NIPSNAP2: variants seen among roughly 807,000 people sequenced by gnomAD.
NIPSNAP2 encodes protein NipSnap homolog 2.
In NIPSNAP2, 42 loss-of-function variants were observed where a neutral mutation model predicts 48.4. That is an observed-to-expected ratio of 0.87 (90% CI 0.68 to 1.12). The LOEUF is 1.12. NIPSNAP2 is among the 50% of genes most tolerant of loss of function. The pLI is 0.00. For missense variants in NIPSNAP2, 314 were observed against 347.3 expected, an observed-to-expected ratio of 0.90 and a Z score of 0.76; for synonymous variants, 158 against 126.6, an observed-to-expected ratio of 1.25 and a Z score of -1.67.
chr7:55,996,219 G>A (rs1787560259), intron 8 of NIPSNAP2, among the ~76,000 whole-genome samples: 1 of 151,094 alleles, frequency 6.6e-6, no homozygotes, highest in Non-Finnish European at 1.5e-5. Flanking sequence ...TCAAGAGGCG[G>A]AGGTTGCAGT....
chr7:55,987,385 T>C (rs953927414), intron 7 of NIPSNAP2, among the ~76,000 whole-genome samples: 2 of 152,140 alleles, frequency 1.3e-5, no homozygotes, highest in Non-Finnish European at 1.5e-5. Flanking sequence ...CCCAGCACTT[T>C]GGGAGGCCAA....
chr7:55,981,379 G>A, intron 3 of NIPSNAP2, 94 bp from the exon 4 acceptor site: 2 of 796,638 alleles, frequency 2.5e-6, no homozygotes, highest in African/African-American at 1.7e-5. Context: ...AGAACACAGA[G>A]TAGGTGGTCT....
chr7:55,969,736 A>C (rs568634213), intron 1 of NIPSNAP2, among the ~76,000 whole-genome samples: 49 of 152,066 alleles, frequency 3.2e-4, no homozygotes, highest in South Asian at 1.5e-3. Flanking sequence ...GTAATCCCAG[A>C]ACTTTGGGAG....
At chr7:55,965,885 C>T (rs1050809532) in intron 1 of NIPSNAP2, among the ~76,000 whole-genome samples, 6 of 152,102 alleles carry the variant, frequency 3.9e-5, no homozygotes, top group African/African-American at 1.4e-4. Flanking sequence ...GCGGCCTGAT[C>T]TTTTTAAAAA....
intron 1 of NIPSNAP2, among the ~76,000 whole-genome samples, chr7:55,974,864 A>AAAAG (rs1787079146): frequency 6.7e-6 from 1 of 149,048 alleles, no homozygotes; most frequent in East Asian, 2.0e-4. Context: ...AAAAAAAAAA[A>AAAAG]AAAGAAATAC....
chr7:55,996,085 A>G lies in NIPSNAP2; in HGVS notation c.712+1097A>G, dbSNP rs118084963. ...GGTGGATCATCTGAGGTCAGGAGTT[A>G]AGAGACCAGCCTGACCAACATGGTG... On this transcript the variant is annotated intron_variant, in intron 8 of 9. Coordinates refer to ENST00000322090, the MANE Select transcript of NIPSNAP2 (RefSeq NM_001483.3). Among the ~76,000 whole-genome samples the G allele has an allele frequency of 7.9e-4, 121 of 152,212 alleles. 2 individuals carry two copies. The East Asian group carries it at 0.021, about 27-fold the overall frequency.
In NIPSNAP2 at chr7:55,984,982, T is replaced by C. The variant is rs562984558; in HGVS notation, c.617+104T>C. 17 of 816,834 alleles carry C rather than the reference T, an allele frequency of 2.1e-5. No individual in the cohort carries two copies. The South Asian group carries it at 2.5e-4, about 12-fold the overall frequency. 50.6% of individuals were successfully genotyped at this position (816,834 alleles called of 1,614,324 possible). A position where few individuals can be genotyped will look rare whatever the true frequency, so the allele number is the denominator to read the frequency against. On this transcript the variant is annotated intron_variant, in intron 7 of 9. Transcript: ENST00000322090. ...AAAATCTGAGGATAGTACTGTGACT[T>C]AACACTGCACTAATGTTTCGTTTGA...
At chr7:55,997,341 A>T (rs758778951) in intron 8 of NIPSNAP2, 25 bp from the exon 9 acceptor site, 22 of 1,562,636 alleles carry the variant, frequency 1.4e-5, no homozygotes, top group East Asian at 2.2e-5. Context: ...TTTAAGTCTT[A>T]CTTCTCTGTG....
chr7:55,969,808 C>G (rs558265477), intron 1 of NIPSNAP2, among the ~76,000 whole-genome samples: 14 of 151,892 alleles, frequency 9.2e-5, no homozygotes, highest in Non-Finnish European at 1.9e-4. Context: ...ATGGTGAAAC[C>G]CTGTCTCTAC....
chr7:55,994,856 A>T (rs1787525355), intron 7 of NIPSNAP2, 38 bp from the exon 8 acceptor site: 1 of 1,550,792 alleles, frequency 6.4e-7, no homozygotes, highest in African/African-American at 1.4e-5. Context: ...AGCGTATCTA[A>T]TTCAGTGTCT....
chr7:55,969,497 C>T (rs1316022261), intron 1 of NIPSNAP2, among the ~76,000 whole-genome samples: 2 of 152,112 alleles, frequency 1.3e-5, no homozygotes, highest in Non-Finnish European at 2.9e-5. Flanking sequence ...TAGAGCAGGC[C>T]CCCAGGCTGC....
intron 7 of NIPSNAP2, among the ~76,000 whole-genome samples, chr7:55,988,588 A>C (rs1787378659): frequency 6.6e-6 from 1 of 152,138 alleles, no homozygotes; most frequent in Non-Finnish European, 1.5e-5. Flanking sequence ...GGCTGGACGC[A>C]GTGGTTCACG....
In NIPSNAP2 at chr7:55,964,594, C is replaced by G; in HGVS notation, c.-16C>G. 2 of 1,003,368 alleles carry G rather than the reference C, an allele frequency of 2.0e-6. No individual in the cohort carries two copies. The highest frequency in any genetic ancestry group is 1.0e-4 in the East Asian group (1 of 10,026). The allele number at this position is 1,003,368 out of a possible 1,614,324, so 62.2% of individuals were successfully genotyped here. A position where few individuals can be genotyped will look rare whatever the true frequency, so the allele number is the denominator to read the frequency against. ...GCGGCGGCGCCCGGGCGGTGGGAGC[C>G]GAGGCGCCGAGCAAGATGGCGGCGC... On this transcript the variant is annotated 5_prime_UTR_variant, in exon 1 of 10. Transcript: ENST00000322090.
intron 3 of NIPSNAP2, 100 bp downstream of exon 3, chr7:55,978,495 C>T: frequency 9.5e-7 from 1 of 1,054,906 alleles, no homozygotes; most frequent in Non-Finnish European, 1.4e-6. Context: ...ATCTTTCATC[C>T]CTCTCTTTTG....
In NIPSNAP2 at chr7:55,994,835, C is replaced by T. The variant is rs535687359; in HGVS notation, c.618-59C>T. The T allele has an allele frequency of 9.2e-6, 13 of 1,407,702 alleles. No homozygotes were observed. In the East Asian group the frequency reaches 1.1e-4, roughly 12 times the overall value. The allele number at this position is 1,407,702 out of a possible 1,614,324, so 87.2% of individuals were successfully genotyped here. ...TGAGTATGGTGAAGGTTTAGTCTAC[C>T]GATTCTCGTTAGCGTATCTAATTCA... is the stretch of plus-strand genomic sequence containing the variant. On this transcript the variant is annotated intron_variant, in intron 7 of 9. Coordinates refer to ENST00000322090, the MANE Select transcript of NIPSNAP2 (RefSeq NM_001483.3).
chr7:55,965,164 G>A (rs953147151), intron 1 of NIPSNAP2: 2 of 152,296 alleles, frequency 1.3e-5, no homozygotes, highest in African/African-American at 4.8e-5. Context: ...CCGGGAGTAG[G>A]GAATAAAAGA....
Position 55,999,096 on chromosome 7 carries a change from A to C in NIPSNAP2, c.*24A>C. ...AAAGCTGTAGAGTTTCTATGTGCCT[A>C]CATACATTTCTGTGACAAGTATTTG... is the stretch of plus-strand genomic sequence containing the variant. On this transcript the variant is annotated 3_prime_UTR_variant, in exon 10 of 10. Coordinates refer to ENST00000322090, the MANE Select transcript of NIPSNAP2 (RefSeq NM_001483.3). 6.4e-7 allele frequency: 1 copy of C among 1,562,442 alleles called. No individual in the cohort carries two copies.
chr7:55,981,762 T>C, intron 4 of NIPSNAP2, 195 bp downstream of exon 4: 1 of 526,066 alleles, frequency 1.9e-6, no homozygotes, highest in South Asian at 2.4e-5. Flanking sequence ...GAATCTATTA[T>C]TGAACCATTA....
At chr7:55,985,276 G>A (rs905230670) in intron 7 of NIPSNAP2, among the ~76,000 whole-genome samples, 13 of 151,938 alleles carry the variant, frequency 8.6e-5, no homozygotes, top group Non-Finnish European at 1.8e-4. Context: ...ATACTTCTTG[G>A]ATATCATCTT....
Sources: allele counts gnomAD v4.1 joint callset (sites outside exome capture counted in the v4.1 genomes callset), GRCh38; gene constraint gnomAD v4.1.1; transcripts MANE v1.5; gene names NCBI Gene and HGNC (gene_info 2026-07-23, HGNC 2026-07-21).